Variants in CNTNAP2 observed in about 807,000 individuals in gnomAD.
CNTNAP2 encodes contactin associated protein 2.
In CNTNAP2, 98 loss-of-function variants were observed where a neutral mutation model predicts 155.2. That is an observed-to-expected ratio of 0.63 (90% CI 0.54 to 0.75). The LOEUF (loss-of-function observed/expected upper bound fraction) is 0.75. Among genes scored for constraint, CNTNAP2 ranks in the 30% least tolerant of loss-of-function variants. The pLI, the probability that CNTNAP2 is intolerant of heterozygous loss-of-function variation, is 0.00. For missense variants in CNTNAP2, 1,727 were observed against 1,688.1 expected (o/e 1.02, Z -0.40); for synonymous variants, 651 against 631.2 (o/e 1.03, Z -0.47).
intron 21 of CNTNAP2, among the ~76,000 whole-genome samples, chr7:148,355,886 T>C (rs1470692976): frequency 6.6e-6 from 1 of 152,246 alleles, no homozygotes; most frequent in Non-Finnish European, 1.5e-5. Context: ...TTTGTAGCTC[T>C]GGGAACCTAG....
chr7:148,314,480 A>T (rs1797650261), intron 21 of CNTNAP2, among the ~76,000 whole-genome samples: 1 of 152,138 alleles, frequency 6.6e-6, no homozygotes, highest in Non-Finnish European at 1.5e-5. Context: ...AAGAGGTTTT[A>T]GGTTTTTAAG....
chr7:147,293,597 A>AT (rs1387557076), intron 8 of CNTNAP2, among the ~76,000 whole-genome samples: 1 of 152,106 alleles, frequency 6.6e-6, no homozygotes, highest in East Asian at 1.9e-4. Flanking sequence ...AGTCACTGTA[A>AT]TTTTACTTGA....
At chr7:148,161,440 T>G (rs1287381120) in intron 17 of CNTNAP2, among the ~76,000 whole-genome samples, 1 of 152,176 alleles carries the variant, frequency 6.6e-6, no homozygotes, top group Non-Finnish European at 1.5e-5. Flanking sequence ...GAGCTCCTCC[T>G]GGAAAGTTGA....
Position 146,223,613 on chromosome 7 carries a change from C to T in CNTNAP2, c.97+106640C>T, listed in dbSNP as rs1799243963. Reference sequence around the variant, plus strand: ...ATGCATAAGATACAGCTCTGGCAATCTTGACTCTAGACAAACATGGAGTTA... The same window carrying T: ...ATGCATAAGATACAGCTCTGGCAATTTTGACTCTAGACAAACATGGAGTTA... On this transcript the variant is annotated intron_variant, in intron 1 of 23. Transcript: ENST00000361727. Among the ~76,000 whole-genome samples the T allele has an allele frequency of 2.0e-5, 3 of 152,288 alleles. 1 individual carries two copies. Among genetic ancestry groups the T allele is most frequent in the South Asian group, 4.1e-4 (2 of 4,822 alleles).
At chr7:148,408,086 AAT>A (rs919810131) in intron 22 of CNTNAP2, among the ~76,000 whole-genome samples, 13 of 152,110 alleles carry the variant, frequency 8.5e-5, no homozygotes, top group African/African-American at 3.1e-4. Context: ...CTCTACTAAA[AAT>A]ACAAAAATTA....
intron 3 of CNTNAP2, among the ~76,000 whole-genome samples, chr7:146,913,172 G>A (rs1372007554): frequency 2.0e-5 from 3 of 152,162 alleles, no homozygotes; most frequent in Non-Finnish European, 2.9e-5. Flanking sequence ...TGAGCAGCGG[G>A]TCTTTTCAGA....
intron 13 of CNTNAP2, among the ~76,000 whole-genome samples, chr7:147,793,411 G>C (rs758396302): frequency 1.3e-5 from 2 of 152,034 alleles, no homozygotes; most frequent in African/African-American, 2.4e-5. Context: ...GTGTATACCA[G>C]GTGTAGCAGC....
intron 1 of CNTNAP2, among the ~76,000 whole-genome samples, chr7:146,305,608 A>T (rs1376271693): frequency 2.0e-5 from 3 of 152,050 alleles, no homozygotes; most frequent in Non-Finnish European, 4.4e-5. Context: ...TTGCTGCCTG[A>T]TCCTTCCTCT....
intron 14 of CNTNAP2, among the ~76,000 whole-genome samples, chr7:147,951,821 C>A (rs1425595260): frequency 4.0e-5 from 6 of 151,764 alleles, no homozygotes; most frequent in Non-Finnish European, 7.4e-5. Context: ...CTAATGCATG[C>A]GGGGCTTAAA....
intron 8 of CNTNAP2, among the ~76,000 whole-genome samples, chr7:147,151,176 G>A (rs1446745945): frequency 6.6e-6 from 1 of 152,112 alleles, no homozygotes; most frequent in East Asian, 1.9e-4. Context: ...TTTTACAGAG[G>A]CCGAGTTGGT....
chr7:146,349,080 G>A (rs1794873103), intron 1 of CNTNAP2, among the ~76,000 whole-genome samples: 1 of 152,156 alleles, frequency 6.6e-6, no homozygotes, highest in South Asian at 2.1e-4. Context: ...TGGGCCCTTG[G>A]TTAAAGGGTT....
At chr7:146,989,858 A>G (rs1798178535) in intron 3 of CNTNAP2, among the ~76,000 whole-genome samples, 1 of 152,124 alleles carries the variant, frequency 6.6e-6, no homozygotes, top group African/African-American at 2.4e-5. Flanking sequence ...GTCTGTCTAA[A>G]TAATATAGGT....
intron 1 of CNTNAP2, among the ~76,000 whole-genome samples, chr7:146,366,838 C>T (rs1795162447): frequency 6.6e-6 from 1 of 152,036 alleles, no homozygotes; most frequent in African/African-American, 2.4e-5. Context: ...TTGGAGTCTT[C>T]CAGCTCAGAT....
chr7:147,731,424 C>T (rs901405978), intron 13 of CNTNAP2, among the ~76,000 whole-genome samples: 5 of 151,926 alleles, frequency 3.3e-5, no homozygotes, highest in African/African-American at 7.3e-5. Flanking sequence ...TAACAAAGCC[C>T]GGAAGACAGC....
intron 8 of CNTNAP2, among the ~76,000 whole-genome samples, chr7:147,176,709 A>T (rs960166490): frequency 4.3e-4 from 47 of 110,166 alleles, no homozygotes; most frequent in Non-Finnish European, 4.5e-4. Flanking sequence ...TATTATATAT[A>T]ATAGAATTAT....
rs145904131 is a variant in CNTNAP2 at position 148,176,699 on chromosome 7, C to T, written c.3010+4221C>T. Reference sequence around the variant, plus strand: ...CCATGCAGGCAGTCTCCTCATCTGTCGGCAGATAACTGAGCAGCATCCCAT... The same window carrying T: ...CCATGCAGGCAGTCTCCTCATCTGTTGGCAGATAACTGAGCAGCATCCCAT... On this transcript the variant is annotated intron_variant, in intron 18 of 23. Transcript: ENST00000361727. 4.8e-3 allele frequency among the ~76,000 whole-genome samples: 735 copies of T among 152,234 alleles called. 4 individuals are homozygous for T. The highest frequency in any genetic ancestry group is 8.4e-3 in the Non-Finnish European group (569 of 68,024).
At chr7:148,265,132 G>T (rs1796645926) in intron 20 of CNTNAP2, among the ~76,000 whole-genome samples, 1 of 152,172 alleles carries the variant, frequency 6.6e-6, no homozygotes, top group African/African-American at 2.4e-5. Context: ...GAAGTGCGGT[G>T]GCAGTTACCC....
chr7:147,856,652 A>G (rs1246756345), intron 13 of CNTNAP2, among the ~76,000 whole-genome samples: 1 of 151,318 alleles, frequency 6.6e-6, no homozygotes, highest in African/African-American at 2.4e-5. Context: ...TCTGCTCTAG[A>G]AACATTTTGT....
intron 11 of CNTNAP2, among the ~76,000 whole-genome samples, chr7:147,510,585 T>A (rs1389010425): frequency 2.0e-5 from 3 of 151,144 alleles, no homozygotes; most frequent in African/African-American, 2.4e-5. Context: ...AAAAAAAAAA[T>A]TCCCAAAAAG....
Sources: allele counts gnomAD v4.1 joint callset (sites outside exome capture counted in the v4.1 genomes callset), GRCh38; gene constraint gnomAD v4.1.1; transcripts MANE v1.5; gene names NCBI Gene and HGNC (gene_info 2026-07-23, HGNC 2026-07-21).